Variants in NAA25 observed in about 807,000 individuals in gnomAD.
The protein encoded by NAA25 is N-terminal acetyltransferase B complex subunit NAA25.
Under a neutral mutation model 132.5 loss-of-function variants are expected in NAA25, and 30 were observed. The ratio of observed to expected loss-of-function variants is 0.23; its 90% CI spans 0.17 to 0.31. The LOEUF is 0.31. Ranked by LOEUF, NAA25 falls within the 10% of genes least tolerant of loss-of-function variation. The pLI is 1.00. For synonymous variants in NAA25, 359 were observed against 401.9 expected, an observed-to-expected ratio of 0.89 and a Z score of 1.28; for missense variants, 771 against 1,150.4, an observed-to-expected ratio of 0.67 and a Z score of 4.77.
intron 22 of NAA25, chr12:112,034,194 A>T (rs2078190594): frequency 6.6e-6 from 1 of 152,218 alleles, no homozygotes; most frequent in Admixed American, 6.5e-5. Flanking sequence ...TCTAAGAGCT[A>T]TCCTAAAGAA....
chr12:112,085,418 G>A (rs1220109299), intron 4 of NAA25, among the ~76,000 whole-genome samples: 1 of 152,014 alleles, frequency 6.6e-6, no homozygotes, highest in African/African-American at 2.4e-5. Flanking sequence ...AAAAAAGAAA[G>A]AAAAGAAGTA....
At chr12:112,030,824 G>C (rs1165536792) in intron 23 of NAA25, among the ~76,000 whole-genome samples, 2 of 152,170 alleles carry the variant, frequency 1.3e-5, no homozygotes, top group African/African-American at 4.8e-5. Flanking sequence ...CAAATATAAA[G>C]AAACAACCTA....
chr12:112,100,499 G>A (rs1338861418), intron 1 of NAA25, among the ~76,000 whole-genome samples: 1 of 151,280 alleles, frequency 6.6e-6, no homozygotes, highest in Non-Finnish European at 1.5e-5. Context: ...TTCCCACACA[G>A]TATTCAGAGC....
intron 23 of NAA25, among the ~76,000 whole-genome samples, chr12:112,032,740 C>T (rs993811692): frequency 6.6e-6 from 1 of 152,178 alleles, no homozygotes; most frequent in Non-Finnish European, 1.5e-5. Context: ...AAAATAATAT[C>T]AGAAGACATT....
intron 4 of NAA25, among the ~76,000 whole-genome samples, chr12:112,086,073 T>TATATATATATATATATATACACAC (rs759148501): frequency 5.4e-4 from 29 of 53,964 alleles, no homozygotes; most frequent in East Asian, 2.3e-3. Context: ...TATATATATA[T>TATATATATATATATATATACACAC]ACACACACAC....
chr12:112,032,108 C>T (rs543281407), intron 23 of NAA25, among the ~76,000 whole-genome samples: 3 of 151,902 alleles, frequency 2.0e-5, no homozygotes, highest in African/African-American at 4.8e-5. Flanking sequence ...GGACTAGAGG[C>T]GCCCACCACC....
At chr12:112,101,479 G>A (rs552772214) in intron 1 of NAA25, among the ~76,000 whole-genome samples, 2 of 152,090 alleles carry the variant, frequency 1.3e-5, no homozygotes, top group African/African-American at 2.4e-5. Context: ...AATACAGGCC[G>A]GGTGCGGTGG....
At chr12:112,101,770 A>G (rs920676149) in intron 1 of NAA25, among the ~76,000 whole-genome samples, 2 of 150,840 alleles carry the variant, frequency 1.3e-5, no homozygotes, top group East Asian at 2.0e-4. Flanking sequence ...AAATCTATCA[A>G]AAAAAAAAGA....
intron 1 of NAA25, among the ~76,000 whole-genome samples, chr12:112,107,724 T>C (rs1253043289): frequency 6.6e-6 from 1 of 152,194 alleles, no homozygotes; most frequent in South Asian, 2.1e-4. Context: ...ATACGATGTC[T>C]ACTTTTGTAA....
Position 112,029,744 on chromosome 12 carries a change from C to T in NAA25, c.2797-91G>A, listed in dbSNP as rs1339631042. The T allele has an allele frequency of 5.9e-6, 9 of 1,530,398 alleles. No homozygotes were observed. The East Asian group carries it at 2.0e-4, about 35-fold the overall frequency. 94.8% of individuals were successfully genotyped at this position (1,530,398 alleles called of 1,614,324 possible). A position where few individuals can be genotyped will look rare whatever the true frequency, so the allele number is the denominator to read the frequency against. ...AGATAAAAGTTAAAGCTGCCATTACCTTTGGTCTCATTGCAAGCTCCATCA... is the reference window on the plus strand; with the variant it reads ...AGATAAAAGTTAAAGCTGCCATTACTTTTGGTCTCATTGCAAGCTCCATCA... On this transcript the variant is annotated intron_variant, in intron 23 of 23. Coordinates refer to ENST00000261745, the MANE Select transcript of NAA25 (RefSeq NM_024953.4).
At chr12:112,031,243 T>A (rs2078146142) in intron 23 of NAA25, among the ~76,000 whole-genome samples, 1 of 152,202 alleles carries the variant, frequency 6.6e-6, no homozygotes, top group Admixed American at 6.5e-5. Context: ...CCAGAGGCCT[T>A]ATTCACAGTG....
chr12:112,090,983 T>C, intron 2 of NAA25, 119 bp from the exon 3 acceptor site: 1 of 958,562 alleles, frequency 1.0e-6, no homozygotes, highest in Non-Finnish European at 1.5e-6. Context: ...TATACTAGTT[T>C]CAGGCTGGGT....
chr12:112,039,442 T>C lies in NAA25; in HGVS notation c.2539-103A>G, dbSNP rs368163681. On this transcript the variant is annotated intron_variant, in intron 21 of 23. Coordinates refer to ENST00000261745, the MANE Select transcript of NAA25 (RefSeq NM_024953.4). ...AACAAATTCTAACGCAGTTCTTCTA[T>C]GTAAATCCCTTCAATTTCTCATGTG... The C allele has an allele frequency of 6.6e-5, 44 of 663,244 alleles. No individual in the cohort carries two copies. The South Asian group carries it at 7.8e-4, about 12-fold the overall frequency. 41.1% of individuals were successfully genotyped at this position (663,244 alleles called of 1,614,324 possible).
intron 1 of NAA25, among the ~76,000 whole-genome samples, chr12:112,099,875 G>A (rs2079267194): frequency 6.6e-6 from 1 of 152,222 alleles, no homozygotes; most frequent in African/African-American, 2.4e-5. Flanking sequence ...GAAATAGTAT[G>A]CTCAGTTTCC....
Position 112,046,141 on chromosome 12 carries a change from A to G in NAA25, c.2006+1524T>C, listed in dbSNP as rs529465289. Among the ~76,000 whole-genome samples, 222 of 152,366 alleles carry G rather than the reference A, an allele frequency of 1.5e-3. 2 individuals carry two copies. The Middle Eastern group carries it at 0.037, about 26-fold the overall frequency. ...TGTGCCTAGATTGTTTATATAAACC[A>G]TGTTGTTTATGGTGAATACCTGCTT... On this transcript the variant is annotated intron_variant, in intron 17 of 23. Coordinates refer to ENST00000261745, the MANE Select transcript of NAA25 (RefSeq NM_024953.4).
At chr12:112,037,718 A>G (rs1377448091) in intron 22 of NAA25, 1 of 147,560 alleles carries the variant, frequency 6.8e-6, no homozygotes, top group Admixed American at 6.7e-5. Flanking sequence ...GGGACACAAC[A>G]ACATTAGTGA....
chr12:112,039,511 T>G (rs1010726492), intron 21 of NAA25, 172 bp from the exon 22 acceptor site: 1 of 503,524 alleles, frequency 2.0e-6, no homozygotes, highest in Non-Finnish European at 3.5e-6. Context: ...GATCCAGGCC[T>G]TCATCATCTC....
At chr12:112,104,400 CAAAAAAGAA>C (rs986761184) in intron 1 of NAA25, among the ~76,000 whole-genome samples, 2 of 150,068 alleles carry the variant, frequency 1.3e-5, no homozygotes, top group African/African-American at 4.9e-5. Context: ...AAATTAAAAA[CAAAAAAGAA>C]AAAAAAGAAA....
intron 11 of NAA25, chr12:112,063,873 A>C (rs2078673721): frequency 1.3e-5 from 2 of 152,172 alleles, no homozygotes; most frequent in African/African-American, 4.8e-5. Context: ...GCCTTGCGAT[A>C]CTATTTGACT....
Sources: allele counts gnomAD v4.1 joint callset (sites outside exome capture counted in the v4.1 genomes callset), GRCh38; gene constraint gnomAD v4.1.1; transcripts MANE v1.5; gene names NCBI Gene and HGNC (gene_info 2026-07-23, HGNC 2026-07-21).